The following FSIP1 variants were observed in gnomAD, a reference collection of about 807,000 sequenced individuals.
The protein encoded by FSIP1 is fibrous sheath interacting protein 1.
A neutral mutation model predicts 60.9 loss-of-function variants in FSIP1; 65 were observed. The ratio of observed to expected loss-of-function variants is 1.07; its 90% CI spans 0.87 to 1.31. The LOEUF (loss-of-function observed/expected upper bound fraction) is 1.31, where lower values mean the gene tolerates loss of function less well. FSIP1 is among the 40% of genes most tolerant of loss of function. The pLI is 0.00. For synonymous variants in FSIP1, 209 were observed against 221.2 expected (o/e 0.94, Z 0.49); for missense variants, 675 against 665.5 (o/e 1.01, Z -0.16).
At chr15:39,638,825 TGC>T (rs1491343774) in intron 10 of FSIP1, among the ~76,000 whole-genome samples, 1 of 151,692 alleles carries the variant, frequency 6.6e-6, no homozygotes, top group African/African-American at 2.4e-5. Flanking sequence ...CATGTGTGTG[TGC>T]GCGTGTGTGT....
chr15:39,758,361 C>T (rs538060890), intron 5 of FSIP1, among the ~76,000 whole-genome samples: 1 of 152,158 alleles, frequency 6.6e-6, no homozygotes, highest in African/African-American at 2.4e-5. Context: ...ACATTGCTTG[C>T]TCCAGAGTCA....
intron 10 of FSIP1, among the ~76,000 whole-genome samples, chr15:39,660,347 C>G (rs531897307): frequency 1.4e-4 from 21 of 152,124 alleles, no homozygotes; most frequent in Non-Finnish European, 2.5e-4. Flanking sequence ...TATTCTCTAG[C>G]CCACACGACA....
chr15:39,769,001 C>T (rs989895476), intron 3 of FSIP1, among the ~76,000 whole-genome samples: 14 of 152,144 alleles, frequency 9.2e-5, no homozygotes, highest in Admixed American at 2.6e-4. Flanking sequence ...GTCTAAGGGC[C>T]GGGCGCGGTG....
In FSIP1 at chr15:39,770,486, T is replaced by C. The variant is rs746546677; in HGVS notation, c.251A>G (p.Glu84Gly). The change falls in exon 3 of 12, where the codon GAA becomes GGA. Residue 84 changes from glutamate (E) to glycine (G), a missense_variant. Glu to Gly is a moderately conservative substitution (Grantham distance 98, BLOSUM62 -2). Coordinates refer to ENST00000350221, the MANE Select transcript of FSIP1 (RefSeq NM_152597.5). ...ATCCAGATCTTCATCTGATCCCTCT[T>C]CAGCCAATTTTATTTTCTCAGAGCA... ...ESCSEKIKLA[E>G]EGSDEDLDLV... 1 of 1,612,204 alleles carries C rather than the reference T, an allele frequency of 6.2e-7. No individual in the cohort carries two copies. Among genetic ancestry groups the C allele is most frequent in the Non-Finnish European group, 8.5e-7 (1 of 1,179,726 alleles).
intron 10 of FSIP1, among the ~76,000 whole-genome samples, chr15:39,712,690 T>TG: frequency 1.3e-5 from 2 of 152,162 alleles, no homozygotes; most frequent in African/African-American, 2.4e-5. Flanking sequence ...CTGAAAACAT[T>TG]CTATGGGTAG....
chr15:39,693,877 G>T (rs1203053819), intron 10 of FSIP1, among the ~76,000 whole-genome samples: 1 of 151,996 alleles, frequency 6.6e-6, no homozygotes, highest in Non-Finnish European at 1.5e-5. Flanking sequence ...TGCCTCTAAG[G>T]TTTTCATGAA....
At chr15:39,648,078 T>A (rs1892697491) in intron 10 of FSIP1, among the ~76,000 whole-genome samples, 1 of 150,978 alleles carries the variant, frequency 6.6e-6, no homozygotes, top group Admixed American at 6.6e-5. Context: ...AGATGACGAG[T>A]TAGTGGGTGC....
intron 5 of FSIP1, among the ~76,000 whole-genome samples, chr15:39,746,444 A>G (rs1460331178): frequency 2.6e-5 from 4 of 152,248 alleles, no homozygotes; most frequent in Non-Finnish European, 4.4e-5. Context: ...TGCAACTCTT[A>G]GAAAACAACT....
At chr15:39,655,939 T>C (rs962454025) in intron 10 of FSIP1, among the ~76,000 whole-genome samples, 2 of 151,842 alleles carry the variant, frequency 1.3e-5, no homozygotes, top group African/African-American at 2.4e-5. Context: ...AACAAATGAT[T>C]AAAAGAAGTG....
chr15:39,778,861 T>G (rs76673298), intron 1 of FSIP1, among the ~76,000 whole-genome samples: 1 of 152,056 alleles, frequency 6.6e-6, no homozygotes, highest in African/African-American at 2.4e-5. Flanking sequence ...ATAAAAAATA[T>G]GAAATCTCTA....
intron 10 of FSIP1, among the ~76,000 whole-genome samples, chr15:39,638,933 G>T (rs11636823): frequency 0.18 from 27,567 of 151,628 alleles, 3,045 homozygotes; most frequent in East Asian, 0.32. Context: ...TTTTCTTATT[G>T]CTAAGTATAA....
chr15:39,754,174 A>C (rs1897241642), intron 5 of FSIP1, among the ~76,000 whole-genome samples: 2 of 152,052 alleles, frequency 1.3e-5, no homozygotes, highest in African/African-American at 4.8e-5. Flanking sequence ...GTAAGAAATT[A>C]AGGTCTCCAA....
intron 5 of FSIP1, among the ~76,000 whole-genome samples, chr15:39,755,419 T>C (rs1296547128): frequency 2.6e-5 from 4 of 152,132 alleles, no homozygotes; most frequent in Non-Finnish European, 5.9e-5. Flanking sequence ...ATTCATTTTC[T>C]CTGGAAAGGA....
chr15:39,607,869 T>C (rs1890883826), intron 11 of FSIP1, among the ~76,000 whole-genome samples: 1 of 152,248 alleles, frequency 6.6e-6, no homozygotes, highest in African/African-American at 2.4e-5. Context: ...CACACTCTTG[T>C]GTATCTATTT....
intron 5 of FSIP1, among the ~76,000 whole-genome samples, chr15:39,754,185 C>T (rs1032753900): frequency 2.0e-5 from 3 of 151,994 alleles, no homozygotes; most frequent in African/African-American, 7.2e-5. Context: ...AGGTCTCCAA[C>T]CCAAAGGCAG....
At position 39,768,982 on chromosome 15, in the gene FSIP1, A is replaced by G. The variant is rs531148372; in HGVS notation, c.310+1445T>C. On this transcript the variant is annotated intron_variant, in intron 3 of 11. Coordinates refer to ENST00000350221, the MANE Select transcript of FSIP1 (RefSeq NM_152597.5). ...TCAGTTAATATTGCCACCAATTTTT[A>G]TAAGAAAAGTCTAAGGGCCGGGCGC... 2.6e-5 allele frequency among the ~76,000 whole-genome samples: 4 copies of G among 152,332 alleles called. No individual in the cohort carries two copies. In the South Asian group the frequency reaches 8.3e-4, roughly 32 times the overall value.
downstream of FSIP1, chr15:39,599,082 A>G (rs1890550496): frequency 6.6e-6 from 1 of 152,128 alleles, no homozygotes; most frequent in African/African-American, 2.4e-5. Context: ...CCCGCCACCA[A>G]GCCTGGCTAA....
intron 8 of FSIP1, among the ~76,000 whole-genome samples, chr15:39,734,406 G>A (rs1166331248): frequency 6.6e-6 from 1 of 152,118 alleles, no homozygotes; most frequent in Non-Finnish European, 1.5e-5. Context: ...TTTGTTTAGA[G>A]AGATTCCTAA....
intron 2 of FSIP1, among the ~76,000 whole-genome samples, chr15:39,771,954 TC>T (rs1897902369): frequency 6.6e-6 from 1 of 152,156 alleles, no homozygotes; most frequent in South Asian, 2.1e-4. Context: ...TAGCAGACCT[TC>T]CTCTGCGGCT....
Sources: allele counts gnomAD v4.1 joint callset (sites outside exome capture counted in the v4.1 genomes callset), GRCh38; gene constraint gnomAD v4.1.1; transcripts MANE v1.5; gene names NCBI Gene and HGNC (gene_info 2026-07-23, HGNC 2026-07-21).